GAL3ST2: variants seen among roughly 807,000 people sequenced by gnomAD.
GAL3ST2 encodes the protein galactose-3-O-sulfotransferase 2, also known as beta-galactose-3-O-sulfotransferase 2.
GAL3ST2 carries 16 observed loss-of-function variants against 12.9 expected under a neutral mutation model. The ratio of observed to expected loss-of-function variants is 1.24; its 90% confidence interval spans 0.84 to 1.88. GAL3ST2 has a LOEUF of 1.88. Among genes scored for constraint, GAL3ST2 ranks in the 40% most tolerant of loss-of-function variants. GAL3ST2 has a pLI of 0.00. For synonymous variants in GAL3ST2, 302 were observed against 273.9 expected, an observed-to-expected ratio of 1.10 and a Z score of -1.01; for missense variants, 639 against 571.8, an observed-to-expected ratio of 1.12 and a Z score of -1.20.
rs1013933733 is a variant in GAL3ST2 at position 241,793,976 on chromosome 2, T to G, written c.30-5089T>G. Reference sequence around the variant, plus strand: ...TTTGTTTATTTTTTGAGACAGAGACTGGCTCTGTGACCCGGGCTAGAGTGT... The same window carrying G: ...TTTGTTTATTTTTTGAGACAGAGACGGGCTCTGTGACCCGGGCTAGAGTGT... On this transcript the variant is annotated intron_variant, in intron 1 of 3. Transcript: ENST00000192314. This position sits in a 1 kb window ranked among gnomAD's most constrained non-coding sequence, Gnocchi z 4.7. Among the ~76,000 whole-genome samples, 1 of 152,198 alleles carries G rather than the reference T, an allele frequency of 6.6e-6. No individual in the cohort carries two copies. The highest frequency in any genetic ancestry group is 1.5e-5 in the Non-Finnish European group (1 of 68,038).
At position 241,801,839 on chromosome 2, in the gene GAL3ST2, C is replaced by T. The variant is rs770669228; in HGVS notation, c.178C>T (p.His60Tyr). Residue 60 changes from histidine (H) to tyrosine (Y), a missense_variant, in exon 3 of 4, where the codon CAC becomes TAC. Transcript: ENST00000192314. This position sits in a 1 kb window ranked among gnomAD's most constrained non-coding sequence, Gnocchi z 4.4. ...PVTNIMFLKT[H>Y]KTASSTVLNI... ...CACCAACATCATGTTCCTGAAGACG[C>T]ACAAGACGGCCAGCAGCACGGTGCT... 1 of 1,612,966 alleles carries T rather than the reference C, an allele frequency of 6.2e-7. No homozygotes were observed. The highest frequency in any genetic ancestry group is 2.2e-5 in the East Asian group (1 of 44,884).
intron 1 of GAL3ST2, among the ~76,000 whole-genome samples, chr2:241,777,705 G>A (rs944532968): frequency 6.6e-6 from 1 of 152,212 alleles, no homozygotes; most frequent in Non-Finnish European, 1.5e-5. Flanking sequence ...GACACTGGCT[G>A]AGGACACCCC....
At chr2:241,794,808 C>T (rs1699750583) in intron 1 of GAL3ST2, among the ~76,000 whole-genome samples, 1 of 152,164 alleles carries the variant, frequency 6.6e-6, no homozygotes, top group Non-Finnish European at 1.5e-5. Context: ...GCTAAGGGCA[C>T]TTGAAAGCAA....
At position 241,802,329 on chromosome 2, in the gene GAL3ST2, C is replaced by G. The variant is rs1056054596; in HGVS notation, c.375+293C>G. Among the ~76,000 whole-genome samples, 2 of 152,190 alleles carry G rather than the reference C, an allele frequency of 1.3e-5. No homozygotes were observed. Among genetic ancestry groups the G allele is most frequent in the African/African-American group, 4.8e-5 (2 of 41,452 alleles). On this transcript the variant is annotated intron_variant, in intron 3 of 3. Transcript: ENST00000192314. This position sits in a 1 kb window ranked among gnomAD's most constrained non-coding sequence, Gnocchi z 4.8. ...CTGGCCTCCTAGTTGTGCACAGGCC[C>G]GGCTCTCCCCACCCTGTGACCTTCG...
chr2:241,793,703 G>C lies in GAL3ST2; in HGVS notation c.30-5362G>C, dbSNP rs1056461737. On this transcript the variant is annotated intron_variant, in intron 1 of 3. Transcript: ENST00000192314. This position sits in a 1 kb window ranked among gnomAD's most constrained non-coding sequence, Gnocchi z 4.7. Reference sequence around the variant, plus strand: ...TGTGTATGTGTGTGTATATGTGTATGTACGTATTGTGTATGCATGTGTGTA... The same window carrying C: ...TGTGTATGTGTGTGTATATGTGTATCTACGTATTGTGTATGCATGTGTGTA... Among the ~76,000 whole-genome samples, 4 of 151,662 alleles carry C rather than the reference G, an allele frequency of 2.6e-5. No homozygotes were observed. The highest frequency in any genetic ancestry group is 7.3e-5 in the African/African-American group (3 of 41,238).
At chr2:241,799,187 G>A (rs201029290) in intron 2 of GAL3ST2, 33 bp downstream of exon 2, 11 of 1,585,792 alleles carry the variant, frequency 6.9e-6, no homozygotes, top group East Asian at 2.2e-5. Flanking sequence ...GTCCTGCCCC[G>A]GGTACCTCCT....
At chr2:241,791,976 ACCC>A (rs1490062789) in intron 1 of GAL3ST2, among the ~76,000 whole-genome samples, 2 of 140,466 alleles carry the variant, frequency 1.4e-5, no homozygotes, top group Non-Finnish European at 3.1e-5. Context: ...TGTTTGCCCC[ACCC>A]CCCATTTTTC....
chr2:241,784,018 A>G (rs73011950), intron 1 of GAL3ST2, among the ~76,000 whole-genome samples: 6,279 of 151,998 alleles, frequency 0.041, 226 homozygotes, highest in South Asian at 0.058. Context: ...GGATCATTAA[A>G]CAAATATTAA....
chr2:241,793,577 ATG>A lies in GAL3ST2; in HGVS notation c.30-5484_30-5483del, dbSNP rs376290278. Among the ~76,000 whole-genome samples the A allele has an allele frequency of 2.6e-5, 4 of 151,330 alleles. No homozygotes were observed. The highest frequency in any genetic ancestry group is 5.9e-5 in the Non-Finnish European group (4 of 67,888). ...TATGTATGTGTATATGTGTGCGTAT[ATG>A]TGTATGTATGTATATGTGTATATGT... On this transcript the variant is annotated intron_variant, in intron 1 of 3. Transcript: ENST00000192314. The surrounding 1 kb of genome is among the most constrained non-coding windows in gnomAD (Gnocchi z 4.7).
At chr2:241,777,555 C>T (rs2125187578) in intron 1 of GAL3ST2, among the ~76,000 whole-genome samples, 1 of 152,306 alleles carries the variant, frequency 6.6e-6, no homozygotes, top group South Asian at 2.1e-4. Flanking sequence ...TTTTCCTTCT[C>T]CTGCTCGCCA....
At position 241,800,362 on chromosome 2, in the gene GAL3ST2, A is replaced by AG. The variant is rs1350474321; in HGVS notation, c.119+1211dup. On this transcript the variant is annotated intron_variant, in intron 2 of 3. Transcript: ENST00000192314. The surrounding 1 kb of genome is among the most constrained non-coding windows in gnomAD (Gnocchi z 5.2). ...ACCCAGGCTGGGAGCGGGCACTTCG[A>AG]GGGAGGGGGTGGGACAGGGGCTTAC... is the stretch of plus-strand genomic sequence containing the variant. Among the ~76,000 whole-genome samples, 2 of 83,336 alleles carry AG rather than the reference A, an allele frequency of 2.4e-5. No homozygotes were observed. Among genetic ancestry groups the AG allele is most frequent in the Non-Finnish European group, 5.0e-5 (2 of 39,870 alleles). 54.7% of individuals were successfully genotyped at this position (83,336 alleles called of 152,430 possible). A position where few individuals can be genotyped will look rare whatever the true frequency, so the allele number is the denominator to read the frequency against.
At chr2:241,778,365 G>C (rs1444488567) in intron 1 of GAL3ST2, among the ~76,000 whole-genome samples, 1 of 152,244 alleles carries the variant, frequency 6.6e-6, no homozygotes, top group East Asian at 1.9e-4. Flanking sequence ...GCCTGCGCTA[G>C]TGAGGCCTAG....
intron 1 of GAL3ST2, among the ~76,000 whole-genome samples, chr2:241,777,261 G>A (rs1033337230): frequency 2.0e-5 from 3 of 152,220 alleles, no homozygotes; most frequent in East Asian, 1.9e-4. Context: ...GCGTGGAGAC[G>A]CTCGAGTGTC....
rs982478582 is a variant in GAL3ST2, at chr2:241,795,568, C to T, written c.30-3497C>T. ...GAGAAACCCTGCTGGTGAAGTCCTG[C>T]GTGGGCCTTATCAGTGAGTTAATCT... On this transcript the variant is annotated intron_variant, in intron 1 of 3. Transcript: ENST00000192314. The surrounding 1 kb of genome is among the most constrained non-coding windows in gnomAD (Gnocchi z 4.5). Among the ~76,000 whole-genome samples, 1 of 152,202 alleles carries T rather than the reference C, an allele frequency of 6.6e-6. No individual in the cohort carries two copies. The highest frequency in any genetic ancestry group is 6.5e-5 in the Admixed American group (1 of 15,278).
chr2:241,792,014 C>CTTTTTTTT (rs765348346), intron 1 of GAL3ST2, among the ~76,000 whole-genome samples: 1 of 133,940 alleles, frequency 7.5e-6, no homozygotes. Context: ...TTCTTTCTTT[C>CTTTTTTTT]TTTTTTTTTT....
rs1699754070 is a variant in GAL3ST2 at position 241,795,030 on chromosome 2, A to G, written c.30-4035A>G. ...AGTAAATTCCCAGTAGTGCAGCCACAGGCTCTCCTTAAAGAATGTGTAACA... is the reference window on the plus strand; with the variant it reads ...AGTAAATTCCCAGTAGTGCAGCCACGGGCTCTCCTTAAAGAATGTGTAACA... On this transcript the variant is annotated intron_variant, in intron 1 of 3. Coordinates refer to ENST00000192314, the MANE Select transcript of GAL3ST2 (RefSeq NM_022134.3). The surrounding 1 kb of genome is among the most constrained non-coding windows in gnomAD (Gnocchi z 4.5). 6.6e-6 allele frequency among the ~76,000 whole-genome samples: 1 copy of G among 152,168 alleles called. No homozygotes were observed. The highest frequency in any genetic ancestry group is 2.4e-5 in the African/African-American group (1 of 41,432).
chr2:241,791,535 T>G (rs1390369407), intron 1 of GAL3ST2, among the ~76,000 whole-genome samples: 1 of 152,204 alleles, frequency 6.6e-6, no homozygotes, highest in African/African-American at 2.4e-5. Flanking sequence ...TATCACTTTC[T>G]GACAGGTCCA....
chr2:241,781,326 A>G (rs1280064372), intron 1 of GAL3ST2, among the ~76,000 whole-genome samples: 4 of 152,300 alleles, frequency 2.6e-5, no homozygotes, highest in South Asian at 4.1e-4. Flanking sequence ...CTTGATATTC[A>G]TGAACATTTC....
At position 241,803,760 on chromosome 2, in the gene GAL3ST2, T is replaced by A. The variant is rs1350449770; in HGVS notation, c.791T>A (p.Leu264Gln). ...CGCAGCGCGCGCTCCGTGGCCCGCCTGTCGCCCGAGACCCGGGAGCGCGCG... is the reference window on the plus strand; with the variant it reads ...CGCAGCGCGCGCTCCGTGGCCCGCCAGTCGCCCGAGACCCGGGAGCGCGCG... ...NSRSARSVAR[L>Q]SPETRERARS... The change falls in exon 4 of 4, where the codon CTG becomes CAG. Residue 264 changes from leucine to glutamine, a missense_variant. Coordinates refer to ENST00000192314, the MANE Select transcript of GAL3ST2 (RefSeq NM_022134.3). The A allele has an allele frequency of 6.6e-7, 1 of 1,517,714 alleles. No homozygotes were observed. The allele number at this position is 1,517,714 out of a possible 1,614,324, so 94.0% of individuals were successfully genotyped here. A position where few individuals can be genotyped will look rare whatever the true frequency, so the allele number is the denominator to read the frequency against.
Sources: allele counts gnomAD v4.1 joint callset (sites outside exome capture counted in the v4.1 genomes callset), GRCh38; gene constraint gnomAD v4.1.1; non-coding constraint Gnocchi (gnomAD v3.1); transcripts MANE v1.5; gene names NCBI Gene and HGNC (gene_info 2026-07-23, HGNC 2026-07-21).